The following SLC5A10 variants were observed in gnomAD, a reference collection of about 807,000 sequenced individuals.
The protein encoded by SLC5A10 is sodium/mannose cotransporter SLC5A10.
In SLC5A10, 55 loss-of-function variants were observed where a neutral mutation model predicts 68.9. The ratio of observed to expected loss-of-function variants is 0.80; its 90% confidence interval spans 0.64 to 1.00. The LOEUF (loss-of-function observed/expected upper bound fraction) is 1.00, where lower values mean the gene tolerates loss of function less well. SLC5A10 is among the 50% of genes least tolerant of loss of function. SLC5A10 has a pLI of 0.00. For synonymous variants in SLC5A10, 344 were observed against 344.8 expected, an observed-to-expected ratio of 1.00 and a Z score of 0.02; for missense variants, 732 against 819.3, an observed-to-expected ratio of 0.89 and a Z score of 1.30.
chr17:19,017,324 C>T lies in SLC5A10; in HGVS notation c.1242-2099C>T. The T allele has an allele frequency of 1.9e-6, 3 of 1,552,106 alleles. No homozygotes were observed. Among genetic ancestry groups the T allele is most frequent in the Non-Finnish European group, 2.6e-6 (3 of 1,147,072 alleles). On this transcript the variant is annotated intron_variant, in intron 11 of 14. Transcript: ENST00000395645. The surrounding 1 kb of genome is among the most constrained non-coding windows in gnomAD (Gnocchi z 5.6). ...AACACCCCCAGCCCCTCAAAGCCGT[C>T]TCAGCTTCCTCCTGCCCGAAACACC...
At position 19,020,305 on chromosome 17, in the gene SLC5A10, C is replaced by G; in HGVS notation, c.1685-20C>G. On this transcript the variant is annotated intron_variant, in intron 14 of 14. Transcript: ENST00000395645. ...CCTTGTGTCCTTCATCTGTCCCTCT[C>G]CTTCTGCAACCCCCTCCAGGTGATG... is the stretch of plus-strand genomic sequence containing the variant. 6.2e-7 allele frequency: 1 copy of G among 1,614,062 alleles called. No individual in the cohort carries two copies. The highest frequency in any genetic ancestry group is 8.5e-7 in the Non-Finnish European group (1 of 1,179,908).
At chr17:18,981,928 T>C (rs1280141215) in intron 9 of SLC5A10, among the ~76,000 whole-genome samples, 1 of 152,168 alleles carries the variant, frequency 6.6e-6, no homozygotes, top group Admixed American at 6.5e-5. Flanking sequence ...AGGCCTTCCC[T>C]GTCACTGAGC....
chr17:18,956,468 T>TTTTTTTTTTTTTTTTTTTG (rs2042505494), intron 1 of SLC5A10, among the ~76,000 whole-genome samples: 1 of 120,888 alleles, frequency 8.3e-6, no homozygotes, highest in African/African-American at 5.2e-5. Flanking sequence ...TCTTTCTGTT[T>TTTTTTTTTTTTTTTTTTTG]TTTTTTTTTT....
In SLC5A10 at chr17:19,004,360, G is replaced by C. The variant is rs885675; in HGVS notation, c.983-9050G>C. The stretch of plus-strand genomic sequence containing the variant: ...GGGATCGGAACAGCGGTGAGGGAGC[G>C]GTGGGCCACGTCCCAGGGCTCAGCG... On this transcript the variant is annotated intron_variant, in intron 9 of 14. Coordinates refer to ENST00000395645, the MANE Select transcript of SLC5A10 (RefSeq NM_001042450.4). This position sits in a 1 kb window ranked among gnomAD's most constrained non-coding sequence, Gnocchi z 5.4. The C allele has an allele frequency of 0.25, 65,772 of 267,504 alleles. 11,810 individuals carry two copies. The highest frequency in any genetic ancestry group is 0.54 in the African/African-American group (23,808 of 43,990). The allele number at this position is 267,504 out of a possible 1,614,324, so 16.6% of individuals were successfully genotyped here.
chr17:18,988,047 G>C (rs1044725578), intron 9 of SLC5A10, among the ~76,000 whole-genome samples: 2 of 152,238 alleles, frequency 1.3e-5, no homozygotes, highest in Non-Finnish European at 2.9e-5. Flanking sequence ...TCTCTGCCAC[G>C]TTGGAGGTAG....
chr17:18,962,434 C>A (rs970102393), intron 5 of SLC5A10, among the ~76,000 whole-genome samples: 2 of 151,984 alleles, frequency 1.3e-5, no homozygotes, highest in Non-Finnish European at 2.9e-5. Context: ...TAAAGAACAG[C>A]GTGGAGAGAA....
chr17:18,951,234 A>C (rs559517508), upstream of SLC5A10, among the ~76,000 whole-genome samples: 1 of 152,252 alleles, frequency 6.6e-6, no homozygotes, highest in African/African-American at 2.4e-5. Context: ...CACTGATAGA[A>C]TTAGTGAGCG....
chr17:18,988,403 C>G (rs752839321), intron 9 of SLC5A10: 1 of 1,614,062 alleles, frequency 6.2e-7, no homozygotes, highest in East Asian at 2.2e-5. Flanking sequence ...TGTCCATGAC[C>G]ACAGCTATCA....
intron 9 of SLC5A10, chr17:18,988,463 G>T: frequency 1.3e-6 from 2 of 1,595,954 alleles, no homozygotes; most frequent in South Asian, 1.1e-5. Context: ...GCAGCAGTGG[G>T]GACAGGGTGC....
chr17:18,970,926 T>C, intron 7 of SLC5A10, 87 bp from the exon 8 acceptor site: 1 of 1,317,882 alleles, frequency 7.6e-7, no homozygotes, highest in Non-Finnish European at 1.1e-6. Flanking sequence ...ATCAGGAAGT[T>C]TCTTGTGAGA....
chr17:19,012,012 C>A (rs924296907), intron 9 of SLC5A10, among the ~76,000 whole-genome samples: 2 of 152,210 alleles, frequency 1.3e-5, no homozygotes, highest in South Asian at 2.1e-4. Flanking sequence ...CTCTGCCTGC[C>A]CCTAACCAGC....
intron 9 of SLC5A10, among the ~76,000 whole-genome samples, chr17:19,008,810 ATTATTT>A (rs750582800): frequency 7.4e-6 from 1 of 134,996 alleles, no homozygotes; most frequent in Non-Finnish European, 1.5e-5. Context: ...TATTATTATT[ATTATTT>A]TTTTTTTTTT....
Position 18,968,496 on chromosome 17 carries a change from A to T in SLC5A10, c.454-556A>T, listed in dbSNP as rs760144526. ...TTCTGGGAGGGCAGGGGCTGTGTCC[A>T]GTCAGTGTGGAGACCAGCTTCAGCC... On this transcript the variant is annotated intron_variant, in intron 5 of 14. Coordinates refer to ENST00000395645, the MANE Select transcript of SLC5A10 (RefSeq NM_001042450.4). The surrounding 1 kb of genome is among the most constrained non-coding windows in gnomAD (Gnocchi z 4.1). Among the ~76,000 whole-genome samples the T allele has an allele frequency of 6.6e-6, 1 of 152,192 alleles. No homozygotes were observed. The highest frequency in any genetic ancestry group is 1.5e-5 in the Non-Finnish European group (1 of 68,028).
intron 9 of SLC5A10, among the ~76,000 whole-genome samples, chr17:18,994,495 T>C (rs1430772540): frequency 6.6e-6 from 1 of 152,138 alleles, no homozygotes; most frequent in Admixed American, 6.5e-5. Context: ...CTTCAGCTGA[T>C]AGCCGAGCAG....
At chr17:19,012,100 C>A (rs1391660426) in intron 9 of SLC5A10, among the ~76,000 whole-genome samples, 1 of 152,144 alleles carries the variant, frequency 6.6e-6, no homozygotes, top group Non-Finnish European at 1.5e-5. Context: ...CACTCTGGGC[C>A]CTCCTGAAAA....
intron 9 of SLC5A10, among the ~76,000 whole-genome samples, chr17:19,006,988 G>T (rs1322469336): frequency 1.3e-5 from 2 of 152,108 alleles, no homozygotes; most frequent in Non-Finnish European, 2.9e-5. Context: ...ACCTTGTTAT[G>T]AGCATTCATA....
chr17:18,977,385 C>G, intron 9 of SLC5A10: 2 of 612,484 alleles, frequency 3.3e-6, no homozygotes, highest in East Asian at 5.8e-5. Context: ...GACCAAGAGT[C>G]CCCAGCATTA....
At chr17:18,979,358 C>T (rs2043070786) in intron 9 of SLC5A10, 5 of 708,752 alleles carry the variant, frequency 7.1e-6, no homozygotes, top group East Asian at 2.9e-5. Flanking sequence ...GGAACAACAG[C>T]GTCCTCAGAC....
At chr17:18,982,659 G>A (rs564621805) in intron 9 of SLC5A10, among the ~76,000 whole-genome samples, 1 of 152,250 alleles carries the variant, frequency 6.6e-6, no homozygotes, top group East Asian at 1.9e-4. Flanking sequence ...CAGGGCTGGG[G>A]CAAACTACAG....
Sources: allele counts gnomAD v4.1 joint callset (sites outside exome capture counted in the v4.1 genomes callset), GRCh38; gene constraint gnomAD v4.1.1; non-coding constraint Gnocchi (gnomAD v3.1); transcripts MANE v1.5; gene names NCBI Gene and HGNC (gene_info 2026-07-23, HGNC 2026-07-21).